CAMK2B: variants seen among roughly 807,000 people sequenced by gnomAD.
The protein encoded by CAMK2B is calcium/calmodulin-dependent protein kinase type II subunit beta.
Under a neutral mutation model 93.7 loss-of-function variants are expected in CAMK2B, and 27 were observed. That is an observed-to-expected ratio of 0.29 (90% confidence interval 0.21 to 0.40). CAMK2B has a LOEUF of 0.40. CAMK2B is among the 10% of genes least tolerant of loss of function. The pLI is 1.00. For synonymous variants in CAMK2B, 374 were observed against 358.8 expected (o/e 1.04, Z -0.48); for missense variants, 568 against 895.8 (o/e 0.63, Z 4.67).
intron 1 of CAMK2B, among the ~76,000 whole-genome samples, chr7:44,306,564 G>A (rs1053996891): frequency 4.6e-5 from 7 of 152,338 alleles, no homozygotes; most frequent in Non-Finnish European, 8.8e-5. Flanking sequence ...CAGACTAGGG[G>A]AGGCCTGCAG....
At chr7:44,235,165 C>T (rs1460479962) in intron 13 of CAMK2B, among the ~76,000 whole-genome samples, 1 of 152,258 alleles carries the variant, frequency 6.6e-6, no homozygotes, top group Admixed American at 6.5e-5. Context: ...GGGCCTTGTC[C>T]CAGCCCAGGC....
In CAMK2B at chr7:44,271,541, G is replaced by C. The variant is rs1011672982; in HGVS notation, c.161-8477C>G. On this transcript the variant is annotated intron_variant, in intron 2 of 23. Coordinates refer to ENST00000395749, the MANE Select transcript of CAMK2B (RefSeq NM_001220.5). This position sits in a 1 kb window ranked among gnomAD's most constrained non-coding sequence, Gnocchi z 4.2. ...AAAGTGGGCATTGGCTGTGGGGTGGGGCAGGCAGAGGCCAGCTCACATCTT... is the reference window on the plus strand; with the variant it reads ...AAAGTGGGCATTGGCTGTGGGGTGGCGCAGGCAGAGGCCAGCTCACATCTT... Among the ~76,000 whole-genome samples the C allele has an allele frequency of 8.5e-5, 13 of 152,160 alleles. No individual in the cohort carries two copies. The highest frequency in any genetic ancestry group is 3.1e-4 in the African/African-American group (13 of 41,452).
chr7:44,244,369 C>G (rs1385465427), intron 6 of CAMK2B, among the ~76,000 whole-genome samples: 1 of 152,154 alleles, frequency 6.6e-6, no homozygotes, highest in Non-Finnish European at 1.5e-5. Context: ...TCCCATGGGA[C>G]CTTCCTGTCC....
chr7:44,250,794 C>T, intron 5 of CAMK2B, among the ~76,000 whole-genome samples: 1 of 152,214 alleles, frequency 6.6e-6, no homozygotes, highest in East Asian at 1.9e-4. Context: ...TCCCAGAGTG[C>T]TGGGATTACA....
intron 3 of CAMK2B, among the ~76,000 whole-genome samples, chr7:44,259,158 C>T (rs1281718146): frequency 6.6e-6 from 1 of 152,170 alleles, no homozygotes; most frequent in Admixed American, 6.5e-5. Flanking sequence ...CAGGGCAGTG[C>T]CACTGCCCTC....
intron 2 of CAMK2B, among the ~76,000 whole-genome samples, chr7:44,264,900 C>T (rs2096910162): frequency 6.6e-6 from 1 of 152,134 alleles, no homozygotes; most frequent in South Asian, 2.1e-4. Context: ...CAAAACCCAG[C>T]AACACTGGAC....
chr7:44,258,956 G>T lies in CAMK2B; in HGVS notation c.221-30C>A. 5 of 1,602,164 alleles carry T rather than the reference G, an allele frequency of 3.1e-6. No individual in the cohort carries two copies. The African/African-American group carries it at 5.3e-5, about 17-fold the overall frequency. On this transcript the variant is annotated intron_variant, in intron 3 of 23. Coordinates refer to ENST00000395749, the MANE Select transcript of CAMK2B (RefSeq NM_001220.5). ...GGGGACAGAGAAGCCATGAGGGGCT[G>T]GCAATAGCCCAGGACACACCTCCTG...
chr7:44,218,901 C>G lies in CAMK2B; in HGVS notation c.*624G>C, dbSNP rs2096364141. 6.6e-6 allele frequency: 1 copy of G among 152,274 alleles called. No homozygotes were observed. The highest frequency in any genetic ancestry group is 2.1e-4 in the South Asian group (1 of 4,828). 9.4% of individuals were successfully genotyped at this position (152,274 alleles called of 1,614,324 possible). On this transcript the variant is annotated 3_prime_UTR_variant, in exon 24 of 24. Coordinates refer to ENST00000395749, the MANE Select transcript of CAMK2B (RefSeq NM_001220.5). ...GGATACCGGGCACGGAAAACCCACA[C>G]CTAGCCCTTCAGGGGATGAAAGGAA...
intron 1 of CAMK2B, among the ~76,000 whole-genome samples, chr7:44,303,509 T>C (rs1790660856): frequency 6.6e-6 from 1 of 152,176 alleles, no homozygotes; most frequent in African/African-American, 2.4e-5. Flanking sequence ...AGAGAAAGGA[T>C]AGCCTTTTCA....
intron 2 of CAMK2B, among the ~76,000 whole-genome samples, chr7:44,280,922 G>A (rs1236613361): frequency 6.6e-6 from 1 of 152,224 alleles, no homozygotes; most frequent in Non-Finnish European, 1.5e-5. Flanking sequence ...ACCAGGAGAG[G>A]GATGAGGGGA....
intron 2 of CAMK2B, among the ~76,000 whole-genome samples, chr7:44,279,381 G>A (rs1282043655): frequency 6.6e-6 from 1 of 152,236 alleles, no homozygotes; most frequent in East Asian, 1.9e-4. Context: ...GTGCAGCCCT[G>A]GGCGGAGGGC....
intron 23 of CAMK2B, among the ~76,000 whole-genome samples, chr7:44,219,801 C>G (rs2096376117): frequency 6.6e-6 from 1 of 152,238 alleles, no homozygotes; most frequent in African/African-American, 2.4e-5. Context: ...GCCCATCCAC[C>G]TGCAACCCAC....
chr7:44,261,948 C>G (rs1040085389), intron 3 of CAMK2B, among the ~76,000 whole-genome samples: 1 of 152,190 alleles, frequency 6.6e-6, no homozygotes, highest in African/African-American at 2.4e-5. Flanking sequence ...TAGCAGGCCC[C>G]TGAGAGCCCA....
intron 1 of CAMK2B, among the ~76,000 whole-genome samples, chr7:44,322,781 G>T (rs936056912): frequency 6.6e-6 from 1 of 152,250 alleles, no homozygotes. Context: ...TGGGGCAAGG[G>T]AGGGGAAAGG....
chr7:44,284,239 TG>T lies in CAMK2B; in HGVS notation c.66-15del. ...GAGAAAGCCCCCCTGGGGAGGAAAATGGGGGAGCGAGAGACAGAGACAGAGA... is the reference window on the plus strand; with the variant it reads ...GAGAAAGCCCCCCTGGGGAGGAAAATGGGGAGCGAGAGACAGAGACAGAGA... On this transcript the variant is annotated splice_polypyrimidine_tract_variant and intron_variant, in intron 1 of 23. Transcript: ENST00000395749. The T allele has an allele frequency of 6.3e-7, 1 of 1,576,570 alleles. No individual in the cohort carries two copies. The highest frequency in any genetic ancestry group is 8.7e-7 in the Non-Finnish European group (1 of 1,151,324).
intron 22 of CAMK2B, 97 bp downstream of exon 22, chr7:44,220,519 G>A (rs1778357977): frequency 3.6e-6 from 4 of 1,098,092 alleles, no homozygotes; most frequent in Non-Finnish European, 3.9e-6. Context: ...GAGGGGACAG[G>A]GCTTCCATAG....
rs558095020 is a variant in CAMK2B at position 44,245,269 on chromosome 7, C to T, written c.415-1742G>A. Among the ~76,000 whole-genome samples, 42 of 152,234 alleles carry T rather than the reference C, an allele frequency of 2.8e-4. No homozygotes were observed. The South Asian group carries it at 5.6e-3, about 20-fold the overall frequency. On this transcript the variant is annotated intron_variant, in intron 6 of 23. Coordinates refer to ENST00000395749, the MANE Select transcript of CAMK2B (RefSeq NM_001220.5). ...CCCCCACCCTGGCTCTTTTGCAGTT[C>T]CCTGGGATGACATCAACTGCCCTCT...
At chr7:44,247,332 C>T (rs2096741491) in intron 5 of CAMK2B, 140 bp from the exon 6 acceptor site, 1 of 713,048 alleles carries the variant, frequency 1.4e-6, no homozygotes, top group African/African-American at 1.7e-5. Flanking sequence ...AGATGCTGGC[C>T]AGGAGGGGCC....
Position 44,226,546 on chromosome 7 carries a change from G to C in CAMK2B, c.1567C>G (p.Pro523Ala), listed in dbSNP as rs1703543682. ...SPVGPPPCPS[P>A]TIPGPLPTPS... ...GTGGGCAGGGGGCCAGGGATAGTCG[G>C]AGATGGGCAGGGCGGGGGCCCCACT... Residue 523 changes from proline (P) to alanine (A), a missense_variant, in exon 20 of 24, where the codon CCG becomes GCG. By Grantham distance (27) the Pro-to-Ala change is conservative. Around this residue, in one of 4 missense-constraint regions of CAMK2B, gnomAD observed 308 missense variants for 292.1 expected, o/e 1.05. Transcript: ENST00000395749. 2 of 1,476,054 alleles carry C rather than the reference G, an allele frequency of 1.4e-6. No homozygotes were observed. The highest frequency in any genetic ancestry group is 8.9e-7 in the Non-Finnish European group (1 of 1,118,300). The allele number at this position is 1,476,054 out of a possible 1,614,324, so 91.4% of individuals were successfully genotyped here. A position where few individuals can be genotyped will look rare whatever the true frequency, so the allele number is the denominator to read the frequency against.
Sources: allele counts gnomAD v4.1 joint callset (sites outside exome capture counted in the v4.1 genomes callset), GRCh38; gene constraint gnomAD v4.1.1; regional missense constraint gnomAD v4.1.1; non-coding constraint Gnocchi (gnomAD v3.1); transcripts MANE v1.5; gene names NCBI Gene and HGNC (gene_info 2026-07-23, HGNC 2026-07-21).